Variants in SGCZ observed in about 807,000 individuals in gnomAD.
SGCZ encodes zeta-sarcoglycan.
In SGCZ, 40 loss-of-function variants were observed where a neutral mutation model predicts 41.3. That is an observed-to-expected ratio of 0.97 (90% CI 0.75 to 1.26). The LOEUF is 1.26. SGCZ is among the 50% of genes most tolerant of loss of function. SGCZ has a pLI of 0.00. For synonymous variants in SGCZ, 206 were observed against 137.5 expected (o/e 1.50, Z -3.49); for missense variants, 552 against 369.8 (o/e 1.49, Z -4.04).
intron 3 of SGCZ, among the ~76,000 whole-genome samples, chr8:14,274,052 T>C (rs1800148864): frequency 6.6e-6 from 1 of 152,164 alleles, no homozygotes; most frequent in Admixed American, 6.5e-5. Context: ...GGTATTGTTT[T>C]TTTTCAAATC....
intron 1 of SGCZ, among the ~76,000 whole-genome samples, chr8:14,726,691 A>G (rs1810067048): frequency 6.6e-6 from 1 of 152,140 alleles, no homozygotes; most frequent in Admixed American, 6.5e-5. Context: ...TGTATAAACA[A>G]CTTGAAAAGT....
At chr8:14,128,503 A>G (rs1274077700) in intron 5 of SGCZ, among the ~76,000 whole-genome samples, 1 of 152,218 alleles carries the variant, frequency 6.6e-6, no homozygotes, top group Admixed American at 6.5e-5. Context: ...GATTTCTCAA[A>G]GAACTAAAAA....
chr8:15,104,045 A>AATCT (rs1301523947), intron 1 of SGCZ, among the ~76,000 whole-genome samples: 4 of 152,176 alleles, frequency 2.6e-5, no homozygotes, highest in Non-Finnish European at 5.9e-5. Context: ...AATCTAGACA[A>AATCT]CCATATTTGA....
At chr8:14,269,627 C>T (rs906889122) in intron 3 of SGCZ, among the ~76,000 whole-genome samples, 2 of 152,052 alleles carry the variant, frequency 1.3e-5, no homozygotes, top group African/African-American at 4.8e-5. Flanking sequence ...CATTGATCTC[C>T]ATGTCAGATA....
intron 1 of SGCZ, among the ~76,000 whole-genome samples, chr8:14,993,943 C>T (rs4831321): frequency 0.72 from 109,633 of 152,098 alleles, 39,740 homozygotes; most frequent in African/African-American, 0.75. Context: ...GTGCTGGGGC[C>T]AGACTGTAAA....
At chr8:14,666,780 G>C (rs1359287520) in intron 1 of SGCZ, among the ~76,000 whole-genome samples, 1 of 151,786 alleles carries the variant, frequency 6.6e-6, no homozygotes, top group Non-Finnish European at 1.5e-5. Context: ...TACGCTGCTT[G>C]AGAGAAATAA....
intron 1 of SGCZ, among the ~76,000 whole-genome samples, chr8:14,815,996 A>G (rs1368564419): frequency 1.3e-5 from 2 of 152,250 alleles, no homozygotes; most frequent in Non-Finnish European, 2.9e-5. Context: ...TTAAATTTTC[A>G]AATCACTTTT....
chr8:14,167,014 G>A (rs957194684), intron 4 of SGCZ, among the ~76,000 whole-genome samples: 1 of 151,944 alleles, frequency 6.6e-6, no homozygotes, highest in African/African-American at 2.4e-5. Context: ...ATTACAGAAG[G>A]CAAAATTACA....
At chr8:14,597,985 T>C (rs1805466832) in intron 1 of SGCZ, among the ~76,000 whole-genome samples, 1 of 152,188 alleles carries the variant, frequency 6.6e-6, no homozygotes, top group Admixed American at 6.5e-5. Flanking sequence ...TTTTGAAAAA[T>C]ACATATGAAC....
At chr8:15,152,291 G>A (rs76553395) in intron 1 of SGCZ, among the ~76,000 whole-genome samples, 3 of 152,068 alleles carry the variant, frequency 2.0e-5, no homozygotes, top group Non-Finnish European at 4.4e-5. Context: ...CTAAGGGTCA[G>A]AAAAAAATAT....
intron 1 of SGCZ, among the ~76,000 whole-genome samples, chr8:14,950,648 T>G (rs1453589311): frequency 6.6e-6 from 1 of 151,850 alleles, no homozygotes; most frequent in Non-Finnish European, 1.5e-5. Flanking sequence ...AAATCATAGT[T>G]CAGAAAAAAA....
At chr8:14,637,310 A>AT (rs61226810) in intron 1 of SGCZ, among the ~76,000 whole-genome samples, 2,851 of 147,664 alleles carry the variant, frequency 0.019, 50 homozygotes, top group African/African-American at 0.047. Flanking sequence ...CTCTATTTTC[A>AT]TTTTTTTTTT....
intron 1 of SGCZ, among the ~76,000 whole-genome samples, chr8:14,712,604 A>G (rs1809556764): frequency 1.3e-5 from 2 of 152,152 alleles, no homozygotes; most frequent in African/African-American, 4.8e-5. Flanking sequence ...CCCTTATCAC[A>G]TGACTTGACA....
At chr8:14,866,651 A>G (rs991118869) in intron 1 of SGCZ, among the ~76,000 whole-genome samples, 7 of 152,156 alleles carry the variant, frequency 4.6e-5, no homozygotes, top group African/African-American at 1.4e-4. Flanking sequence ...CTCTACAAAA[A>G]TACAAAGAAT....
intron 1 of SGCZ, among the ~76,000 whole-genome samples, chr8:15,100,009 CAA>C (rs554539036): frequency 3.4e-4 from 52 of 151,864 alleles, no homozygotes; most frequent in African/African-American, 1.2e-3. Flanking sequence ...CTTTAATGTT[CAA>C]AAAAAGAGAT....
intron 3 of SGCZ, among the ~76,000 whole-genome samples, chr8:14,239,422 C>T (rs1054308489): frequency 2.0e-5 from 3 of 152,020 alleles, no homozygotes; most frequent in African/African-American, 4.8e-5. Flanking sequence ...TGTGAAAAAA[C>T]TATAGGTCAA....
At chr8:14,497,577 TCTGTGTGTGTGTGTGTGA>T (rs1277261460) in intron 2 of SGCZ, among the ~76,000 whole-genome samples, 23 of 151,830 alleles carry the variant, frequency 1.5e-4, no homozygotes, top group African/African-American at 5.3e-4. Context: ...TGTGTGTGTG[TCTGTGTGTGTGTGTGTGA>T]GAGAGAGAGA....
intron 1 of SGCZ, among the ~76,000 whole-genome samples, chr8:14,961,618 G>GA (rs1186515239): frequency 1.3e-5 from 2 of 151,952 alleles, no homozygotes; most frequent in African/African-American, 4.8e-5. Context: ...TAAACTTTAA[G>GA]AAAAAACATA....
intron 1 of SGCZ, among the ~76,000 whole-genome samples, chr8:14,963,682 T>C (rs1267396475): frequency 6.6e-6 from 1 of 152,154 alleles, no homozygotes; most frequent in Non-Finnish European, 1.5e-5. Flanking sequence ...ATAGTATTGT[T>C]TTGGAATTCA....
Sources: allele counts gnomAD v4.1 joint callset (sites outside exome capture counted in the v4.1 genomes callset), GRCh38; gene constraint gnomAD v4.1.1; transcripts MANE v1.5; gene names NCBI Gene and HGNC (gene_info 2026-07-23, HGNC 2026-07-21).